PGM2L1: variants seen among roughly 807,000 people sequenced by gnomAD.
PGM2L1 encodes phosphoglucomutase 2 like 1.
A neutral mutation model predicts 73.4 loss-of-function variants in PGM2L1; 35 were observed. The ratio of observed to expected loss-of-function variants is 0.48; its 90% confidence interval spans 0.36 to 0.63. The LOEUF is 0.63. Ranked by LOEUF, PGM2L1 falls within the 30% of genes least tolerant of loss-of-function variation. The pLI, the probability that PGM2L1 is intolerant of heterozygous loss-of-function variation, is 0.00. For missense variants in PGM2L1, 570 were observed against 742.0 expected (o/e 0.77, Z 2.69); for synonymous variants, 225 against 253.8 (o/e 0.89, Z 1.08).
Position 74,360,906 on chromosome 11 carries a change from C to G in PGM2L1, c.555+7586G>C, listed in dbSNP as rs146247233. On this transcript the variant is annotated intron_variant, in intron 5 of 13. Transcript: ENST00000298198. The stretch of plus-strand genomic sequence containing the variant: ...GTAGATAAACAAAGGCCAGGAAGCT[C>G]GAACTGGGTGGAGCCCACCACTGCT... 5.0e-3 allele frequency among the ~76,000 whole-genome samples: 763 copies of G among 152,288 alleles called. 1 individual carries two copies. The highest frequency in any genetic ancestry group is 8.1e-3 in the Non-Finnish European group (549 of 68,014).
chr11:74,344,006 A>T (rs1591166810), intron 9 of PGM2L1, among the ~76,000 whole-genome samples: 1 of 151,766 alleles, frequency 6.6e-6, no homozygotes, highest in Non-Finnish European at 1.5e-5. Flanking sequence ...TGAACTCCTG[A>T]CCTTGTGATC....
intron 1 of PGM2L1, among the ~76,000 whole-genome samples, chr11:74,382,022 T>G (rs1209593988): frequency 2.6e-5 from 4 of 152,058 alleles, no homozygotes; most frequent in African/African-American, 9.7e-5. Context: ...GAATGAAAAT[T>G]AACTCTAGTA....
intron 1 of PGM2L1, among the ~76,000 whole-genome samples, chr11:74,377,286 A>T (rs1331312465): frequency 6.6e-6 from 1 of 151,990 alleles, no homozygotes; most frequent in Non-Finnish European, 1.5e-5. Flanking sequence ...GGCGCCCGCC[A>T]CCACGCCCAG....
chr11:74,346,257 G>A (rs1450140783), intron 8 of PGM2L1, among the ~76,000 whole-genome samples: 3 of 62,860 alleles, frequency 4.8e-5, no homozygotes, highest in East Asian at 5.1e-4. Flanking sequence ...CAACAAGAGC[G>A]AAACTATGTC....
chr11:74,386,480 C>CTT (rs1306684484), intron 1 of PGM2L1, among the ~76,000 whole-genome samples: 2 of 141,730 alleles, frequency 1.4e-5, no homozygotes, highest in Non-Finnish European at 3.1e-5. Flanking sequence ...AAAAAAAAAA[C>CTT]TTTTTTTTTT....
At chr11:74,383,093 T>C (rs11236087) in intron 1 of PGM2L1, among the ~76,000 whole-genome samples, 89,427 of 152,054 alleles carry the variant, frequency 0.59, 28,339 homozygotes, top group East Asian at 0.82. Context: ...CACGGATTCA[T>C]GTTATGATTT....
chr11:74,338,470 C>G lies in PGM2L1; in HGVS notation c.1764G>C (p.Gln588His). The change falls in exon 13 of 14, where the codon CAG becomes CAC. Residue 588 changes from glutamine to histidine, a missense_variant and splice_region_variant. By Grantham distance (24) the Gln-to-His change is conservative. Coordinates refer to ENST00000298198, the MANE Select transcript of PGM2L1 (RefSeq NM_173582.6). ...YYAEMCASPD[Q>H]SDTALLEEEL... Reference sequence around the variant, plus strand: ...ATCTTAAAAAAATCAATTCTTACCTCTGGTCAGGTGACGCACACATCTCTG... The same window carrying G: ...ATCTTAAAAAAATCAATTCTTACCTGTGGTCAGGTGACGCACACATCTCTG... 1 of 1,547,520 alleles carries G rather than the reference C, an allele frequency of 6.5e-7. No homozygotes were observed. The highest frequency in any genetic ancestry group is 8.8e-7 in the Non-Finnish European group (1 of 1,134,834).
chr11:74,341,297 T>C (rs1439401392), intron 12 of PGM2L1, among the ~76,000 whole-genome samples: 2 of 152,174 alleles, frequency 1.3e-5, no homozygotes, highest in African/African-American at 4.8e-5. Flanking sequence ...CATTTTATTA[T>C]AGTATTGATG....
At chr11:74,396,842 GA>G (rs1192619926) in intron 1 of PGM2L1, among the ~76,000 whole-genome samples, 1 of 152,182 alleles carries the variant, frequency 6.6e-6, no homozygotes, top group Non-Finnish European at 1.5e-5. Flanking sequence ...GACTGTAGAG[GA>G]AGAATTATTC....
rs1862098657 is a variant in PGM2L1 at position 74,336,586 on chromosome 11, A to G, written c.*66T>C. On this transcript the variant is annotated 3_prime_UTR_variant, in exon 14 of 14. Transcript: ENST00000298198. ...AGAGAGAATGCTAACACAAGGTTCA[A>G]TGTATGCAGTTCTCGGTTGCTCTGT... The G allele has an allele frequency of 3.0e-6, 3 of 984,464 alleles. No homozygotes were observed. Among genetic ancestry groups the G allele is most frequent in the Non-Finnish European group, 3.0e-6 (2 of 668,348 alleles). 61.0% of individuals were successfully genotyped at this position (984,464 alleles called of 1,614,324 possible).
At chr11:74,354,801 C>A (rs1210551294) in intron 5 of PGM2L1, 4 of 984,026 alleles carry the variant, frequency 4.1e-6, no homozygotes, top group Non-Finnish European at 6.4e-6. Context: ...AAGAACATCA[C>A]CTAAGAGATT....
chr11:74,387,124 T>C (rs1863028835), intron 1 of PGM2L1, among the ~76,000 whole-genome samples: 1 of 152,212 alleles, frequency 6.6e-6, no homozygotes, highest in Admixed American at 6.5e-5. Context: ...TATCTACATT[T>C]CTATGAGAGT....
intron 5 of PGM2L1, among the ~76,000 whole-genome samples, chr11:74,363,478 A>G (rs1340373156): frequency 6.6e-6 from 1 of 152,218 alleles, no homozygotes; most frequent in African/African-American, 2.4e-5. Flanking sequence ...CGCTAGCAAG[A>G]CTAATAAAGA....
Position 74,398,311 on chromosome 11 carries a change from C to A in PGM2L1, c.-150G>T. 8.2e-7 allele frequency: 1 copy of A among 1,217,248 alleles called. No individual in the cohort carries two copies. Among genetic ancestry groups the A allele is most frequent in the Non-Finnish European group, 1.1e-6 (1 of 932,128 alleles). 75.4% of individuals were successfully genotyped at this position (1,217,248 alleles called of 1,614,324 possible). A position where few individuals can be genotyped will look rare whatever the true frequency, so the allele number is the denominator to read the frequency against. On this transcript the variant is annotated 5_prime_UTR_variant, in exon 1 of 14. Coordinates refer to ENST00000298198, the MANE Select transcript of PGM2L1 (RefSeq NM_173582.6). ...CGCAGGGTGTTCGTAACAGCTCCTGCCGCGGCGTCAGGGAACCGGGAGAGA... is the reference window on the plus strand; with the variant it reads ...CGCAGGGTGTTCGTAACAGCTCCTGACGCGGCGTCAGGGAACCGGGAGAGA...
intron 10 of PGM2L1, 124 bp downstream of exon 10, chr11:74,343,199 T>C: frequency 7.4e-7 from 1 of 1,342,784 alleles, no homozygotes; most frequent in Non-Finnish European, 9.9e-7. Flanking sequence ...TATCTACATA[T>C]TTCTCATTCT....
chr11:74,343,124 A>G, intron 10 of PGM2L1, 110 bp from the exon 11 acceptor site: 2 of 1,402,844 alleles, frequency 1.4e-6, no homozygotes, highest in African/African-American at 2.9e-5. Flanking sequence ...GTAATAGATG[A>G]AACTCATCAA....
chr11:74,363,055 A>T (rs957437628), intron 5 of PGM2L1, among the ~76,000 whole-genome samples: 2 of 152,208 alleles, frequency 1.3e-5, no homozygotes, highest in Non-Finnish European at 2.9e-5. Flanking sequence ...ACCACAGTGC[A>T]ATCAAACTAG....
At chr11:74,337,246 T>C (rs1862111702) in intron 13 of PGM2L1, among the ~76,000 whole-genome samples, 1 of 152,264 alleles carries the variant, frequency 6.6e-6, no homozygotes, top group Non-Finnish European at 1.5e-5. Flanking sequence ...GTGCTGCCGT[T>C]GCCCAGAACA....
chr11:74,341,625 G>A (rs1386869426), intron 12 of PGM2L1, among the ~76,000 whole-genome samples: 1 of 146,306 alleles, frequency 6.8e-6, no homozygotes, highest in Non-Finnish European at 1.5e-5. Flanking sequence ...CTGGGAGGCA[G>A]AGGTTGCAGT....
Sources: gnomAD v4.1 joint callset for allele counts (sites outside exome capture counted in the v4.1 genomes callset) on GRCh38, gnomAD v4.1.1 for gene constraint, MANE v1.5 for transcripts, NCBI Gene and HGNC (gene_info 2026-07-23, HGNC 2026-07-21) for gene names.